The following NOVA1 variants were observed in gnomAD, a reference collection of about 807,000 sequenced individuals.
NOVA1 encodes RNA-binding protein Nova-1.
Under a neutral mutation model 38.0 loss-of-function variants are expected in NOVA1, and 7 were observed. That is an observed-to-expected ratio of 0.18 (90% confidence interval 0.10 to 0.35). The LOEUF is 0.35. NOVA1 is among the 10% of genes least tolerant of loss of function. The pLI, the probability that NOVA1 is intolerant of heterozygous loss-of-function variation, is 1.00. For synonymous variants in NOVA1, 270 were observed against 232.5 expected, an observed-to-expected ratio of 1.16 and a Z score of -1.47; for missense variants, 460 against 616.0, an observed-to-expected ratio of 0.75 and a Z score of 2.68.
rs932833640 is a variant in NOVA1 at position 26,445,422 on chromosome 14, A to G, written c.*2537T>C. 20 of 152,188 alleles carry G rather than the reference A, an allele frequency of 1.3e-4. No homozygotes were observed. Among genetic ancestry groups the G allele is most frequent in the Admixed American group, 1.3e-3 (20 of 15,272 alleles). 9.4% of individuals were successfully genotyped at this position (152,188 alleles called of 1,614,324 possible). ...CCATAAATTAAAATGTAATATCTTC[A>G]ATTTAGCTTTCAGTTTTAACTAACA... On this transcript the variant is annotated 3_prime_UTR_variant, in exon 5 of 5. Coordinates refer to ENST00000539517, the MANE Select transcript of NOVA1 (RefSeq NM_002515.3).
intron 2 of NOVA1, among the ~76,000 whole-genome samples, chr14:26,561,684 A>G (rs530883442): frequency 6.6e-5 from 10 of 152,314 alleles, no homozygotes; most frequent in African/African-American, 2.2e-4. Flanking sequence ...GACACAAATT[A>G]TAACTAAATT....
chr14:26,584,804 C>T (rs1413999129), intron 2 of NOVA1, among the ~76,000 whole-genome samples: 1 of 151,454 alleles, frequency 6.6e-6, no homozygotes, highest in East Asian at 1.9e-4. Flanking sequence ...CCTCCCAAGA[C>T]TCTGACACTA....
At position 26,511,089 on chromosome 14, in the gene NOVA1, A is replaced by G. The variant is rs188532865; in HGVS notation, c.281-30946T>C. ...CATAAGAACGTAGCCCCATGAAACT[A>G]CCATTTAGCACAGTATCTGGCACAT... On this transcript the variant is annotated intron_variant, in intron 2 of 4. Coordinates refer to ENST00000539517, the MANE Select transcript of NOVA1 (RefSeq NM_002515.3). Among the ~76,000 whole-genome samples the G allele has an allele frequency of 5.3e-4, 80 of 152,198 alleles. 1 individual carries two copies. In the South Asian group the frequency reaches 0.016, roughly 30 times the overall value.
intron 2 of NOVA1, among the ~76,000 whole-genome samples, chr14:26,537,655 T>A (rs549208438): frequency 6.6e-6 from 1 of 152,108 alleles, no homozygotes; most frequent in Non-Finnish European, 1.5e-5. Context: ...AATAGCCCCA[T>A]ACAGTACAGC....
chr14:26,479,976 C>T lies in NOVA1; in HGVS notation c.447+1G>A. ...CTTTGATTTCTCAACTAAACACTCA[C>T]TTGTTTGATGCGATCTGGATTAACG... is the stretch of plus-strand genomic sequence containing the variant. On this transcript the variant is annotated splice_donor_variant, in intron 3 of 4. Coordinates refer to ENST00000539517, the MANE Select transcript of NOVA1 (RefSeq NM_002515.3). LOFTEE classifies it high-confidence loss of function. The T allele has an allele frequency of 6.2e-7, 1 of 1,613,252 alleles. No individual in the cohort carries two copies. The highest frequency in any genetic ancestry group is 8.5e-7 in the Non-Finnish European group (1 of 1,179,536).
chr14:26,492,074 C>A (rs1416404345), intron 2 of NOVA1, among the ~76,000 whole-genome samples: 1 of 152,030 alleles, frequency 6.6e-6, no homozygotes, highest in Non-Finnish European at 1.5e-5. Context: ...AATGGGATGC[C>A]TTTCCTTAGG....
intron 2 of NOVA1, among the ~76,000 whole-genome samples, chr14:26,515,711 C>A (rs751126705): frequency 6.6e-6 from 1 of 151,938 alleles, no homozygotes; most frequent in Non-Finnish European, 1.5e-5. Context: ...GTACTGGTTA[C>A]GTTATTGACT....
rs138248453 is a variant in NOVA1 at position 26,538,933 on chromosome 14, T to C, written c.280+56477A>G. ...TTCTCTGAGCATGCTAAGCTCATTCTGATCCAAGGACGTTTTTCTTTACTA... is the reference window on the plus strand; with the variant it reads ...TTCTCTGAGCATGCTAAGCTCATTCCGATCCAAGGACGTTTTTCTTTACTA... On this transcript the variant is annotated intron_variant, in intron 2 of 4. Coordinates refer to ENST00000539517, the MANE Select transcript of NOVA1 (RefSeq NM_002515.3). Among the ~76,000 whole-genome samples the C allele has an allele frequency of 1.3e-3, 194 of 152,342 alleles. 1 individual carries two copies. Among genetic ancestry groups the C allele is most frequent in the Non-Finnish European group, 2.3e-3 (158 of 68,026 alleles).
chr14:26,521,763 G>T (rs946218601), intron 2 of NOVA1, among the ~76,000 whole-genome samples: 3 of 152,054 alleles, frequency 2.0e-5, no homozygotes, highest in Non-Finnish European at 4.4e-5. Context: ...GGTTCAGAAA[G>T]TAAATATTTT....
At chr14:26,474,351 C>A (rs1884811371) in intron 3 of NOVA1, among the ~76,000 whole-genome samples, 1 of 151,908 alleles carries the variant, frequency 6.6e-6, no homozygotes, top group African/African-American at 2.4e-5. Context: ...GTCTTGGATA[C>A]AAATTCTCAA....
intron 4 of NOVA1, among the ~76,000 whole-genome samples, chr14:26,449,711 AAT>A (rs1216859288): frequency 6.6e-6 from 1 of 152,110 alleles, no homozygotes; most frequent in Non-Finnish European, 1.5e-5. Context: ...TAATTAGTCT[AAT>A]TATTCGCTTT....
intron 2 of NOVA1, among the ~76,000 whole-genome samples, chr14:26,526,341 C>T (rs1889297592): frequency 6.6e-6 from 1 of 152,068 alleles, no homozygotes; most frequent in South Asian, 2.1e-4. Context: ...TGGTTGCTTT[C>T]CTGAGTATTC....
intron 2 of NOVA1, among the ~76,000 whole-genome samples, chr14:26,540,772 A>G (rs1432944754): frequency 1.3e-5 from 2 of 152,186 alleles, no homozygotes; most frequent in African/African-American, 2.4e-5. Flanking sequence ...TAAGACTTAA[A>G]TACCAGGAAT....
chr14:26,550,552 C>G (rs546066609), intron 2 of NOVA1, among the ~76,000 whole-genome samples: 1 of 152,230 alleles, frequency 6.6e-6, no homozygotes, highest in Non-Finnish European at 1.5e-5. Flanking sequence ...CTACAACAAC[C>G]TGTCCACACA....
At chr14:26,553,681 C>T (rs545012672) in intron 2 of NOVA1, among the ~76,000 whole-genome samples, 30 of 152,168 alleles carry the variant, frequency 2.0e-4, no homozygotes, top group Non-Finnish European at 4.0e-4. Flanking sequence ...TTGATGGGGA[C>T]TCAAGCAGCC....
intron 4 of NOVA1, among the ~76,000 whole-genome samples, chr14:26,458,181 T>C (rs1020233813): frequency 1.3e-5 from 2 of 151,904 alleles, no homozygotes; most frequent in Admixed American, 6.6e-5. Context: ...AAATTACAGA[T>C]ATTGGAGAGG....
At chr14:26,551,327 C>T (rs1891145959) in intron 2 of NOVA1, among the ~76,000 whole-genome samples, 3 of 152,132 alleles carry the variant, frequency 2.0e-5, no homozygotes, top group East Asian at 1.9e-4. Context: ...ATACCAGACA[C>T]ATGATATAAT....
intron 3 of NOVA1, chr14:26,479,418 T>C (rs1030005529): frequency 6.6e-6 from 1 of 152,100 alleles, no homozygotes; most frequent in African/African-American, 2.4e-5. Context: ...TGGCCCTTTA[T>C]GACATATGTT....
intron 2 of NOVA1, among the ~76,000 whole-genome samples, chr14:26,591,273 T>A (rs905082489): frequency 1.3e-5 from 2 of 151,790 alleles, no homozygotes; most frequent in Non-Finnish European, 3.0e-5. Flanking sequence ...ACCCTAACAA[T>A]AGGTAGTGTG....
Sources: allele counts gnomAD v4.1 joint callset (sites outside exome capture counted in the v4.1 genomes callset), GRCh38; gene constraint gnomAD v4.1.1; transcripts MANE v1.5; gene names NCBI Gene and HGNC (gene_info 2026-07-23, HGNC 2026-07-21).